PVR: variants seen among roughly 807,000 people sequenced by gnomAD.
PVR encodes the protein poliovirus receptor.
A neutral mutation model predicts 43.3 loss-of-function variants in PVR; 39 were observed. The observed-to-expected ratio is 0.90, with a 90% CI of 0.70 to 1.18. The LOEUF is 1.18. PVR is among the 50% of genes most tolerant of loss of function. PVR has a pLI of 0.00. For missense variants in PVR, 480 were observed against 549.7 expected (o/e 0.87, Z 1.27); for synonymous variants, 224 against 233.2 (o/e 0.96, Z 0.36).
At chr19:44,645,503 G>T (rs1973092568) in intron 1 of PVR, among the ~76,000 whole-genome samples, 1 of 140,248 alleles carries the variant, frequency 7.1e-6, no homozygotes, top group Non-Finnish European at 1.5e-5. Context: ...TTGCTTTGTT[G>T]CCCAGGCTGG....
intron 3 of PVR, among the ~76,000 whole-genome samples, chr19:44,652,661 C>T (rs1475000440): frequency 6.6e-6 from 1 of 152,006 alleles, no homozygotes; most frequent in Non-Finnish European, 1.5e-5. Context: ...GGATTACAGA[C>T]GTGAGCCACC....
In PVR at chr19:44,647,645, C is replaced by A. The variant is rs556841744; in HGVS notation, c.427+75C>A. The A allele has an allele frequency of 6.5e-6, 7 of 1,072,172 alleles. No homozygotes were observed. The Admixed American group carries it at 1.3e-4, about 20-fold the overall frequency. The allele number at this position is 1,072,172 out of a possible 1,614,324, so 66.4% of individuals were successfully genotyped here. Reference sequence around the variant, plus strand: ...GAGGATCAGGGAAGTTGGCAAAGAGCGGGGAGGCCTGGGAGGGAGGGAGAT... The same window carrying A: ...GAGGATCAGGGAAGTTGGCAAAGAGAGGGGAGGCCTGGGAGGGAGGGAGAT... On this transcript the variant is annotated intron_variant, in intron 2 of 7. Coordinates refer to ENST00000425690, the MANE Select transcript of PVR (RefSeq NM_006505.5).
chr19:44,661,616 C>T (rs1973592888), intron 7 of PVR, 124 bp from the exon 8 acceptor site: 2 of 878,140 alleles, frequency 2.3e-6, no homozygotes, highest in East Asian at 5.2e-5. Flanking sequence ...AGAAGCACTG[C>T]CCTGGCTTCC....
At chr19:44,658,177 G>A (rs1973503707) in intron 5 of PVR, among the ~76,000 whole-genome samples, 1 of 152,102 alleles carries the variant, frequency 6.6e-6, no homozygotes, top group Admixed American at 6.6e-5. Context: ...AATATATTAG[G>A]CAGACCTCTA....
At chr19:44,654,126 G>T in intron 4 of PVR, 109 bp downstream of exon 4, 2 of 874,766 alleles carry the variant, frequency 2.3e-6, no homozygotes, top group South Asian at 1.6e-5. Flanking sequence ...GGGGCTGGGG[G>T]CCCGGACCCC....
At chr19:44,644,823 C>G (rs1973033308) in intron 1 of PVR, among the ~76,000 whole-genome samples, 1 of 148,536 alleles carries the variant, frequency 6.7e-6, no homozygotes, top group Non-Finnish European at 1.5e-5. Context: ...TCAAGCGATT[C>G]TCCTGCTTCA....
chr19:44,651,361 T>G (rs1973275254), intron 3 of PVR, among the ~76,000 whole-genome samples: 1 of 152,182 alleles, frequency 6.6e-6, no homozygotes, highest in South Asian at 2.1e-4. Context: ...ACACTGGTTC[T>G]CCTAGGCACT....
intron 2 of PVR, among the ~76,000 whole-genome samples, chr19:44,649,574 C>T (rs1973220666): frequency 6.6e-6 from 1 of 151,938 alleles, no homozygotes; most frequent in South Asian, 2.1e-4. Context: ...GGATTACTGG[C>T]GTGTGCCACC....
At chr19:44,645,805 A>G (rs1973100334) in intron 1 of PVR, among the ~76,000 whole-genome samples, 1 of 152,106 alleles carries the variant, frequency 6.6e-6, no homozygotes, top group Non-Finnish European at 1.5e-5. Flanking sequence ...TACAAAAATA[A>G]TTAACTAAAT....
chr19:44,653,777 C>T (rs1973348762), intron 3 of PVR, 123 bp from the exon 4 acceptor site: 2 of 717,580 alleles, frequency 2.8e-6, no homozygotes, highest in African/African-American at 1.7e-5. Context: ...CCTCCTAGGC[C>T]TCTCCAGCTC....
chr19:44,658,946 C>T lies in PVR; in HGVS notation c.1150+46C>T, dbSNP rs372262577. On this transcript the variant is annotated intron_variant, in intron 6 of 7. Transcript: ENST00000425690. ...CGTAATTGAGCACCTACTACGGGCT[C>T]TGTGCTGAGTCCTTCCAGTGTGCCT... 3.4e-4 allele frequency: 538 copies of T among 1,580,550 alleles called. 2 individuals carry two copies. The highest frequency in any genetic ancestry group is 6.2e-5 in the Non-Finnish European group (72 of 1,155,402).
chr19:44,657,533 G>A (rs1973481764), intron 4 of PVR, among the ~76,000 whole-genome samples: 1 of 152,206 alleles, frequency 6.6e-6, no homozygotes, highest in South Asian at 2.1e-4. Context: ...TACCGTGGAA[G>A]CCCTGAGGAG....
chr19:44,653,163 A>G (rs1973329274), intron 3 of PVR, among the ~76,000 whole-genome samples: 2 of 152,120 alleles, frequency 1.3e-5, no homozygotes, highest in South Asian at 4.2e-4. Context: ...CCACCACCAC[A>G]TTTTCAACAC....
chr19:44,661,660 T>C lies in PVR; in HGVS notation c.1183-80T>C, dbSNP rs1000155746. On this transcript the variant is annotated intron_variant, in intron 7 of 7. Transcript: ENST00000425690. ...AGGAGGGGACGGGCCTGCAGTTCTT[T>C]GCACATGGGGCTTCAGTGGGAAGAT... 4.5e-6 allele frequency: 6 copies of C among 1,323,664 alleles called. No homozygotes were observed. In the African/African-American group the frequency reaches 7.3e-5, roughly 16 times the overall value. 82.0% of individuals were successfully genotyped at this position (1,323,664 alleles called of 1,614,324 possible).
Position 44,657,802 on chromosome 19 carries a change from GC to G in PVR, c.886del (p.Gln296SerfsTer3), listed in dbSNP as rs1973490644. 2 of 1,613,866 alleles carry G rather than the reference GC, an allele frequency of 1.2e-6. No individual in the cohort carries two copies. Among genetic ancestry groups the G allele is most frequent in the South Asian group, 2.2e-5 (2 of 91,084 alleles). On this transcript the variant is annotated frameshift_variant, in exon 5 of 8. Coordinates refer to ENST00000425690, the MANE Select transcript of PVR (RefSeq NM_006505.5). LOFTEE classifies it high-confidence loss of function. ...GCCACCCTTTGCTGTGGCCCAGGGC[GC>G]CCAGCTCCTGATCCGTCCTGTGGAC... ...PLPPFAVAQG[A>X]QLLIRPVDKP...
chr19:44,657,388 A>G (rs1973474729), intron 4 of PVR, among the ~76,000 whole-genome samples: 1 of 152,122 alleles, frequency 6.6e-6, no homozygotes. Context: ...GAGCTGAGGT[A>G]TGGGAACTGA....
chr19:44,647,246 A>G lies in PVR; in HGVS notation c.103A>G (p.Thr35Ala). The G allele has an allele frequency of 6.5e-7, 1 of 1,549,428 alleles. No individual in the cohort carries two copies. The highest frequency in any genetic ancestry group is 2.4e-5 in the East Asian group (1 of 41,036). Residue 35 changes from threonine (T) to alanine (A), a missense_variant, in exon 2 of 8, where the codon ACC becomes GCC. Physicochemically the swap from Thr to Ala is moderately conservative, Grantham distance 58. Coordinates refer to ENST00000425690, the MANE Select transcript of PVR (RefSeq NM_006505.5). ...AGGGGACGTCGTCGTGCAGGCGCCC[A>G]CCCAGGTGCCCGGCTTCTTGGGCGA... is the stretch of plus-strand genomic sequence containing the variant. ...GTGDVVVQAPTQVPGFLGDSV... is the reference protein window; with the variant it reads ...GTGDVVVQAPAQVPGFLGDSV...
chr19:44,660,648 G>A (rs571088297), intron 6 of PVR, among the ~76,000 whole-genome samples: 18 of 151,944 alleles, frequency 1.2e-4, no homozygotes, highest in Admixed American at 3.9e-4. Context: ...TCAGCCTCTC[G>A]AGTAGCTGGG....
At chr19:44,653,845 C>G (rs111729675) in intron 3 of PVR, 55 bp from the exon 4 acceptor site, 1 of 1,246,234 alleles carries the variant, frequency 8.0e-7, no homozygotes, top group Non-Finnish European at 1.2e-6. Flanking sequence ...TCCCGCGTAG[C>G]CCCAGGCCCC....
Sources: gnomAD v4.1 joint callset for allele counts (sites outside exome capture counted in the v4.1 genomes callset) on GRCh38, gnomAD v4.1.1 for gene constraint, MANE v1.5 for transcripts, NCBI Gene and HGNC (gene_info 2026-07-23, HGNC 2026-07-21) for gene names.